CCDC122: variants seen among roughly 807,000 people sequenced by gnomAD.
The protein encoded by CCDC122 is coiled-coil domain-containing protein 122.
CCDC122 carries 38 observed loss-of-function variants against 37.0 expected under a neutral mutation model. That is an observed-to-expected ratio of 1.03 (90% confidence interval 0.79 to 1.35). The LOEUF is 1.35. CCDC122 is among the 40% of genes most tolerant of loss of function. The probability of loss-of-function intolerance (pLI) is 0.00; values close to 1 mark genes in which losing one functional copy is unlikely to be tolerated. For missense variants in CCDC122, 305 were observed against 310.0 expected, an observed-to-expected ratio of 0.98 and a Z score of 0.12; for synonymous variants, 83 against 95.6, an observed-to-expected ratio of 0.87 and a Z score of 0.77.
intron 6 of CCDC122, among the ~76,000 whole-genome samples, chr13:43,842,238 G>A (rs997834423): frequency 1.3e-5 from 2 of 151,952 alleles, no homozygotes; most frequent in African/African-American, 4.8e-5. Context: ...TTGTGAGGTG[G>A]AGATACAGGT....
intron 6 of CCDC122, among the ~76,000 whole-genome samples, chr13:43,840,453 T>C (rs539292954): frequency 7.2e-5 from 11 of 152,160 alleles, no homozygotes; most frequent in Non-Finnish European, 1.6e-4. Context: ...TATGTATACA[T>C]GTGCCATGTT....
At chr13:43,870,865 T>C (rs1954425966) in intron 2 of CCDC122, among the ~76,000 whole-genome samples, 3 of 152,114 alleles carry the variant, frequency 2.0e-5, no homozygotes, top group Admixed American at 2.0e-4. Flanking sequence ...TATGATTTTT[T>C]ATGGGAAGAA....
At chr13:43,849,126 T>A in intron 6 of CCDC122, 1 of 815,248 alleles carries the variant, frequency 1.2e-6, no homozygotes, top group East Asian at 1.2e-4. Flanking sequence ...ATTTTTTAAC[T>A]GAATTGAGGA....
rs140163334 is a variant in CCDC122, at chr13:43,841,829, G to A, written c.673-4400C>T. Reference sequence around the variant, plus strand: ...GGACTCAAGTGATCCTCCCACCTCAGCCTCCTGAGTAGCTGGGACCACAGG... The same window carrying A: ...GGACTCAAGTGATCCTCCCACCTCAACCTCCTGAGTAGCTGGGACCACAGG... On this transcript the variant is annotated intron_variant, in intron 6 of 6. Transcript: ENST00000444614. Among the ~76,000 whole-genome samples the A allele has an allele frequency of 2.8e-4, 43 of 152,240 alleles. No homozygotes were observed. In the East Asian group the frequency reaches 7.9e-3, roughly 28 times the overall value.
chr13:43,857,034 A>G (rs974900672), intron 6 of CCDC122, among the ~76,000 whole-genome samples: 12 of 152,324 alleles, frequency 7.9e-5, no homozygotes, highest in Admixed American at 6.5e-4. Context: ...CTGTATTAAA[A>G]TTCCCACGCT....
At chr13:43,825,567 C>T (rs1665555389) in intron 3 of CCDC122, among the ~76,000 whole-genome samples, 2 of 152,078 alleles carry the variant, frequency 1.3e-5, no homozygotes, top group African/African-American at 2.4e-5. Context: ...ATCAGGAGTT[C>T]GAGACCAGCC....
intron 3 of CCDC122, among the ~76,000 whole-genome samples, chr13:43,829,785 A>G (rs1170169831): frequency 6.6e-6 from 1 of 152,146 alleles, no homozygotes; most frequent in African/African-American, 2.4e-5. Flanking sequence ...GTTGCATGAG[A>G]CTTCTAATAA....
intron 6 of CCDC122, among the ~76,000 whole-genome samples, chr13:43,844,953 C>G (rs1953470941): frequency 6.6e-6 from 1 of 152,064 alleles, no homozygotes; most frequent in African/African-American, 2.4e-5. Context: ...ATGCTTAGCT[C>G]ATTTACATTT....
intron 3 of CCDC122, among the ~76,000 whole-genome samples, chr13:43,831,220 T>C (rs975353461): frequency 6.6e-6 from 1 of 152,124 alleles, no homozygotes; most frequent in Admixed American, 6.6e-5. Flanking sequence ...GGCTAGACAG[T>C]CTCTGTGGAA....
intron 6 of CCDC122, among the ~76,000 whole-genome samples, chr13:43,840,449 T>C (rs1380346114): frequency 6.6e-6 from 1 of 152,176 alleles, no homozygotes; most frequent in South Asian, 2.1e-4. Flanking sequence ...TACATATGTA[T>C]ACATGTGCCA....
chr13:43,849,906 T>C (rs1211671178), intron 6 of CCDC122, among the ~76,000 whole-genome samples: 6 of 152,154 alleles, frequency 3.9e-5, no homozygotes. Context: ...AACCATACAC[T>C]GTGGTGTCGC....
chr13:43,867,383 T>C (rs1299908618), intron 4 of CCDC122, among the ~76,000 whole-genome samples: 1 of 152,126 alleles, frequency 6.6e-6, no homozygotes, highest in Non-Finnish European at 1.5e-5. Context: ...TCTGTGAATA[T>C]CCTCAGGTTC....
downstream of CCDC122, among the ~76,000 whole-genome samples, chr13:43,820,571 T>G (rs1952986010): frequency 6.6e-6 from 1 of 152,184 alleles, no homozygotes; most frequent in Non-Finnish European, 1.5e-5. Flanking sequence ...TACGAGTTAA[T>G]TATAATGCTT....
rs1953160691 is a variant in CCDC122 at position 43,836,385 on chromosome 13, G to GT, written c.*894dup. 1 of 152,060 alleles carries GT rather than the reference G, an allele frequency of 6.6e-6. No individual in the cohort carries two copies. The allele number at this position is 152,060 out of a possible 1,614,324, so 9.4% of individuals were successfully genotyped here. A position where few individuals can be genotyped will look rare whatever the true frequency, so the allele number is the denominator to read the frequency against. ...AAGTGAACAAAATATTTTATTCATCGTATCACTCAAAATATGTTATTTTAT... is the reference window on the plus strand; with the variant it reads ...AAGTGAACAAAATATTTTATTCATCGTTATCACTCAAAATATGTTATTTTAT... On this transcript the variant is annotated 3_prime_UTR_variant, in exon 7 of 7. Transcript: ENST00000444614.
At chr13:43,845,711 A>AAAAAT (rs1953501506) in intron 6 of CCDC122, among the ~76,000 whole-genome samples, 1 of 150,980 alleles carries the variant, frequency 6.6e-6, no homozygotes, top group Non-Finnish European at 1.5e-5. Context: ...CTCCATCTCT[A>AAAAAT]AAAACAAAAC....
At chr13:43,839,167 ACT>A (rs1953264970) in intron 6 of CCDC122, among the ~76,000 whole-genome samples, 1 of 152,024 alleles carries the variant, frequency 6.6e-6, no homozygotes, top group Non-Finnish European at 1.5e-5. Context: ...TTCCATTCCT[ACT>A]CTGTTTCACG....
intron 6 of CCDC122, among the ~76,000 whole-genome samples, chr13:43,857,449 AGTGTGTGT>A (rs60383575): frequency 0.63 from 93,667 of 149,568 alleles, 30,793 homozygotes; most frequent in Non-Finnish European, 0.74. Context: ...AATACTTAGA[AGTGTGTGT>A]GTGTGTGTGT....
downstream of CCDC122, among the ~76,000 whole-genome samples, chr13:43,832,446 A>T (rs1953098585): frequency 6.6e-6 from 1 of 152,158 alleles, no homozygotes; most frequent in African/African-American, 2.4e-5. Context: ...ATGTAAAATA[A>T]CACAGAAATT....
intron 4 of CCDC122, among the ~76,000 whole-genome samples, chr13:43,865,524 G>GAGAATAACAATAACAACAAAAT (rs1415196156): frequency 6.6e-6 from 1 of 151,930 alleles, no homozygotes; most frequent in Non-Finnish European, 1.5e-5. Context: ...GGCACAATAA[G>GAGAATAACAATAACAACAAAAT]AGAATAACAA....
Sources: gnomAD v4.1 joint callset for allele counts (sites outside exome capture counted in the v4.1 genomes callset) on GRCh38, gnomAD v4.1.1 for gene constraint, MANE v1.5 for transcripts, NCBI Gene and HGNC (gene_info 2026-07-23, HGNC 2026-07-21) for gene names.